Variants in TMPRSS15 observed in about 807,000 individuals in gnomAD.
The protein encoded by TMPRSS15 is transmembrane serine protease 15.
TMPRSS15 carries 128 observed loss-of-function variants against 125.3 expected under a neutral mutation model. The ratio of observed to expected loss-of-function variants is 1.02; its 90% CI spans 0.89 to 1.18. TMPRSS15 has a LOEUF of 1.18. Among genes scored for constraint, TMPRSS15 ranks in the 50% most tolerant of loss-of-function variants. The pLI, the probability that TMPRSS15 is intolerant of heterozygous loss-of-function variation, is 0.00. For synonymous variants in TMPRSS15, 446 were observed against 423.2 expected (o/e 1.05, Z -0.66); for missense variants, 1,283 against 1,212.7 (o/e 1.06, Z -0.86).
intron 21 of TMPRSS15, among the ~76,000 whole-genome samples, chr21:18,287,539 AGTAGAG>A (rs2146884573): frequency 1.3e-5 from 2 of 152,314 alleles, no homozygotes; most frequent in African/African-American, 4.8e-5. Flanking sequence ...TAATTATCAA[AGTAGAG>A]GTAACTTGAG....
rs1297801131 is a variant in TMPRSS15 at position 18,289,922 on chromosome 21, T to TA, written c.2486+4347dup. Among the ~76,000 whole-genome samples, 9 of 152,336 alleles carry TA rather than the reference T, an allele frequency of 5.9e-5. No individual in the cohort carries two copies. The East Asian group carries it at 9.6e-4, about 16-fold the overall frequency. On this transcript the variant is annotated intron_variant, in intron 21 of 24. Coordinates refer to ENST00000284885, the MANE Select transcript of TMPRSS15 (RefSeq NM_002772.3). ...TGTCAGTTTAACAGGTGCATGCATT[T>TA]AAAAAATGCATCGATTTGTATACTT...
intron 5 of TMPRSS15, among the ~76,000 whole-genome samples, chr21:18,375,507 T>C (rs569687314): frequency 2.6e-5 from 4 of 152,322 alleles, no homozygotes; most frequent in Non-Finnish European, 5.9e-5. Flanking sequence ...AGTTTATCAA[T>C]TCTAGTTAAA....
intron 3 of TMPRSS15, among the ~76,000 whole-genome samples, chr21:18,387,308 G>A (rs897142763): frequency 2.9e-4 from 44 of 152,112 alleles, no homozygotes; most frequent in Middle Eastern, 3.4e-3. Context: ...TCCTACTATG[G>A]TACAGAAAGC....
chr21:18,318,950 A>C (rs1305813467), intron 16 of TMPRSS15, among the ~76,000 whole-genome samples: 2 of 152,246 alleles, frequency 1.3e-5, no homozygotes, highest in African/African-American at 4.8e-5. Flanking sequence ...GTATGTTAAA[A>C]GATTGATATG....
intron 1 of TMPRSS15, among the ~76,000 whole-genome samples, chr21:18,419,128 AT>A (rs1412346396): frequency 1.3e-5 from 2 of 151,642 alleles, no homozygotes; most frequent in Non-Finnish European, 2.9e-5. Flanking sequence ...AGTCTTACTC[AT>A]TGTTGTCACT....
intron 1 of TMPRSS15, among the ~76,000 whole-genome samples, chr21:18,398,610 T>A (rs1047464528): frequency 1.3e-5 from 2 of 152,128 alleles, no homozygotes; most frequent in African/African-American, 4.8e-5. Flanking sequence ...AAATTTTCAT[T>A]ATTATTGTTA....
chr21:18,316,261 C>G (rs1363386816), intron 16 of TMPRSS15, among the ~76,000 whole-genome samples: 1 of 152,082 alleles, frequency 6.6e-6, no homozygotes, highest in Non-Finnish European at 1.5e-5. Flanking sequence ...TCACCTCTTC[C>G]TCGTAATTTC....
At chr21:18,391,794 G>T (rs1211156314) in intron 3 of TMPRSS15, among the ~76,000 whole-genome samples, 2 of 152,216 alleles carry the variant, frequency 1.3e-5, no homozygotes, top group Non-Finnish European at 2.9e-5. Flanking sequence ...TGAGAGTTCT[G>T]CCCCTGCAGC....
intron 5 of TMPRSS15, among the ~76,000 whole-genome samples, chr21:18,372,793 G>A (rs986916143): frequency 1.3e-5 from 2 of 152,312 alleles, no homozygotes; most frequent in Non-Finnish European, 2.9e-5. Context: ...ACACCCCTGC[G>A]GGGTTTCATG....
chr21:18,312,873 T>G (rs986629030), intron 18 of TMPRSS15, 72 bp downstream of exon 18: 1 of 1,580,468 alleles, frequency 6.3e-7, no homozygotes, highest in Non-Finnish European at 8.7e-7. Context: ...TTAAAGCTCT[T>G]ATTAAACCTA....
At chr21:18,283,063 G>A (rs1047990112) in intron 21 of TMPRSS15, among the ~76,000 whole-genome samples, 1 of 152,120 alleles carries the variant, frequency 6.6e-6, no homozygotes, top group Non-Finnish European at 1.5e-5. Flanking sequence ...CTTGACAAGA[G>A]GTCTTCGTGC....
intron 4 of TMPRSS15, 34 bp from the exon 5 acceptor site, chr21:18,379,352 C>G (rs2075871477): frequency 3.1e-6 from 3 of 959,714 alleles, no homozygotes; most frequent in Non-Finnish European, 4.3e-6. Context: ...TAATTATTAC[C>G]TATTTTAAAC....
At chr21:18,300,825 G>A (rs2146912492) in intron 18 of TMPRSS15, among the ~76,000 whole-genome samples, 1 of 152,078 alleles carries the variant, frequency 6.6e-6, no homozygotes, top group Non-Finnish European at 1.5e-5. Flanking sequence ...TATTCTAGAA[G>A]GAAAGATGAC....
chr21:18,332,078 A>T lies in TMPRSS15; in HGVS notation c.1654+6T>A. Reference sequence around the variant, plus strand: ...TTTCTGATGACCTGGAAAAGAAATGACTCACAGAAAGCCAGATTAGGGTAG... The same window carrying T: ...TTTCTGATGACCTGGAAAAGAAATGTCTCACAGAAAGCCAGATTAGGGTAG... On this transcript the variant is annotated splice_donor_region_variant and intron_variant, in intron 14 of 24. Transcript: ENST00000284885. 6.2e-7 allele frequency: 1 copy of T among 1,611,382 alleles called. No homozygotes were observed. The highest frequency in any genetic ancestry group is 8.5e-7 in the Non-Finnish European group (1 of 1,177,524).
intron 18 of TMPRSS15, among the ~76,000 whole-genome samples, chr21:18,301,477 T>C (rs980159179): frequency 1.3e-5 from 2 of 152,190 alleles, no homozygotes; most frequent in African/African-American, 4.8e-5. Flanking sequence ...ATCTCAGAAC[T>C]ACTAAAAAAT....
At chr21:18,389,205 A>G (rs898047757) in intron 3 of TMPRSS15, among the ~76,000 whole-genome samples, 1 of 151,248 alleles carries the variant, frequency 6.6e-6, no homozygotes, top group African/African-American at 2.4e-5. Context: ...GGAAAGAAAG[A>G]AAAGAAAAAA....
intron 1 of TMPRSS15, among the ~76,000 whole-genome samples, chr21:18,474,919 C>T (rs571416680): frequency 8.9e-4 from 136 of 152,216 alleles, no homozygotes; most frequent in African/African-American, 2.7e-3. Context: ...AGAATCATGA[C>T]GAATTTATCA....
At chr21:18,280,582 A>AAAAAAAAAAAAAC (rs2074682736) in intron 22 of TMPRSS15, among the ~76,000 whole-genome samples, 1 of 138,532 alleles carries the variant, frequency 7.2e-6, no homozygotes, top group African/African-American at 3.3e-5. Flanking sequence ...TCTCAAAAAA[A>AAAAAAAAAAAAAC]AAAAAAAAAA....
chr21:18,474,927 T>C (rs1601476236), intron 1 of TMPRSS15, among the ~76,000 whole-genome samples: 1 of 152,300 alleles, frequency 6.6e-6, no homozygotes, highest in East Asian at 1.9e-4. Context: ...GACGAATTTA[T>C]CAGCCTCCCC....
Sources: gnomAD v4.1 joint callset for allele counts (sites outside exome capture counted in the v4.1 genomes callset) on GRCh38, gnomAD v4.1.1 for gene constraint, MANE v1.5 for transcripts, NCBI Gene and HGNC (gene_info 2026-07-23, HGNC 2026-07-21) for gene names.